Variants in ANO10 observed in about 807,000 individuals in gnomAD.
ANO10 encodes anoctamin 10.
Under a neutral mutation model 74.7 loss-of-function variants are expected in ANO10, and 77 were observed. That is an observed-to-expected ratio of 1.03 (90% CI 0.86 to 1.25). ANO10 has a LOEUF of 1.25. Ranked by LOEUF, ANO10 falls within the 50% of genes most tolerant of loss-of-function variation. The pLI is 0.00. For missense variants in ANO10, 721 were observed against 778.1 expected (o/e 0.93, Z 0.87); for synonymous variants, 279 against 284.9 (o/e 0.98, Z 0.21).
At chr3:43,424,562 C>A (rs2092869781) in intron 12 of ANO10, 1 of 152,188 alleles carries the variant, frequency 6.6e-6, no homozygotes, top group Admixed American at 6.5e-5. Flanking sequence ...CCACCAGATT[C>A]ACCAACCAGT....
intron 11 of ANO10, among the ~76,000 whole-genome samples, chr3:43,482,848 G>C (rs967954694): frequency 7.2e-5 from 11 of 152,262 alleles, no homozygotes; most frequent in African/African-American, 2.6e-4. Context: ...CCACTGGGCA[G>C]GGTACAGGGC....
intron 11 of ANO10, among the ~76,000 whole-genome samples, chr3:43,548,650 T>C (rs2079308810): frequency 6.6e-6 from 1 of 152,218 alleles, no homozygotes; most frequent in East Asian, 1.9e-4. Flanking sequence ...GCCTTAAGTA[T>C]ATGAAACACC....
chr3:43,683,635 C>T (rs2149583356), intron 1 of ANO10, among the ~76,000 whole-genome samples: 1 of 152,232 alleles, frequency 6.6e-6, no homozygotes, highest in South Asian at 2.1e-4. Context: ...AATCCTGAGA[C>T]AAAAGAACAA....
intron 1 of ANO10, among the ~76,000 whole-genome samples, chr3:43,658,634 A>G (rs1240083620): frequency 6.6e-6 from 1 of 151,848 alleles, no homozygotes; most frequent in Non-Finnish European, 1.5e-5. Flanking sequence ...CAGCCCAGCT[A>G]ATTTTTTGTA....
At chr3:43,438,952 G>T (rs2093118290) in intron 11 of ANO10, among the ~76,000 whole-genome samples, 2 of 152,012 alleles carry the variant, frequency 1.3e-5, no homozygotes. Context: ...AGAAGAGACA[G>T]AAAGAAATGG....
At chr3:43,491,043 G>A (rs541265412) in intron 11 of ANO10, among the ~76,000 whole-genome samples, 1 of 152,244 alleles carries the variant, frequency 6.6e-6, no homozygotes, top group South Asian at 2.1e-4. Flanking sequence ...AATGGCATAT[G>A]ACCTTCCAGG....
chr3:43,425,199 AC>A (rs2092879895), intron 12 of ANO10, among the ~76,000 whole-genome samples: 1 of 148,836 alleles, frequency 6.7e-6, no homozygotes, highest in Non-Finnish European at 1.5e-5. Context: ...ATTTACTGTA[AC>A]TTTTTTTTTT....
chr3:43,514,733 A>G (rs1192401914), intron 11 of ANO10, among the ~76,000 whole-genome samples: 3 of 152,202 alleles, frequency 2.0e-5, no homozygotes, highest in Non-Finnish European at 4.4e-5. Context: ...GGGACATTAA[A>G]TAAGTCTCAA....
At chr3:43,601,330 C>A (rs771181791) in intron 2 of ANO10, among the ~76,000 whole-genome samples, 1 of 152,104 alleles carries the variant, frequency 6.6e-6, no homozygotes, top group African/African-American at 2.4e-5. Context: ...CTTTGCCTCT[C>A]GAGTAGCTGG....
intron 11 of ANO10, among the ~76,000 whole-genome samples, chr3:43,503,550 G>A (rs1277327368): frequency 6.6e-6 from 1 of 152,144 alleles, no homozygotes; most frequent in Non-Finnish European, 1.5e-5. Flanking sequence ...AAGAGAAGGG[G>A]GCAGAGCTAA....
chr3:43,444,047 G>C (rs1046649871), intron 11 of ANO10, among the ~76,000 whole-genome samples: 2 of 152,110 alleles, frequency 1.3e-5, no homozygotes, highest in Non-Finnish European at 2.9e-5. Flanking sequence ...CCAAATTAAT[G>C]CAAGAAAATA....
chr3:43,443,433 G>C (rs1311270075), intron 11 of ANO10, among the ~76,000 whole-genome samples: 4 of 152,308 alleles, frequency 2.6e-5, no homozygotes, highest in African/African-American at 7.2e-5. Flanking sequence ...GGGAACTTTA[G>C]AGAATCTAAT....
At chr3:43,513,358 G>T (rs1167996059) in intron 11 of ANO10, among the ~76,000 whole-genome samples, 1 of 152,186 alleles carries the variant, frequency 6.6e-6, no homozygotes, top group Non-Finnish European at 1.5e-5. Context: ...TGTATGTGAA[G>T]TGGTATAATA....
At chr3:43,527,396 C>T in intron 11 of ANO10, among the ~76,000 whole-genome samples, 1 of 151,950 alleles carries the variant, frequency 6.6e-6, no homozygotes, top group Non-Finnish European at 1.5e-5. Flanking sequence ...AGATGAAGTA[C>T]TCTTTAGTTC....
At chr3:43,580,294 A>C (rs896856192) in intron 5 of ANO10, 59 bp downstream of exon 5, 5 of 1,609,840 alleles carry the variant, frequency 3.1e-6, no homozygotes, top group Non-Finnish European at 4.2e-6. Flanking sequence ...CCACTGCTAG[A>C]TCGTAACTTT....
intron 11 of ANO10, among the ~76,000 whole-genome samples, chr3:43,456,431 C>T (rs1476515367): frequency 6.6e-6 from 1 of 152,224 alleles, no homozygotes; most frequent in Non-Finnish European, 1.5e-5. Context: ...AAACACAACG[C>T]TGTGCATCCT....
At chr3:43,607,980 C>G (rs116787098) in intron 1 of ANO10, among the ~76,000 whole-genome samples, 1 of 151,786 alleles carries the variant, frequency 6.6e-6, no homozygotes, top group African/African-American at 2.4e-5. Context: ...GAAGAAAACA[C>G]GTAAAAAGAG....
chr3:43,568,250 C>A (rs1325814505), intron 7 of ANO10, among the ~76,000 whole-genome samples: 6 of 152,128 alleles, frequency 3.9e-5, no homozygotes, highest in African/African-American at 1.2e-4. Context: ...ACTTTAACAC[C>A]CTACTGTCAA....
chr3:43,549,268 A>G (rs2079341715), intron 11 of ANO10, among the ~76,000 whole-genome samples: 4 of 125,336 alleles, frequency 3.2e-5, no homozygotes, highest in African/African-American at 1.2e-4. Context: ...TTACAGTACC[A>G]AATTACATCA....
Sources: gnomAD v4.1 joint callset for allele counts (sites outside exome capture counted in the v4.1 genomes callset) on GRCh38, gnomAD v4.1.1 for gene constraint, MANE v1.5 for transcripts, NCBI Gene and HGNC (gene_info 2026-07-23, HGNC 2026-07-21) for gene names.